Variants in OSBP2 observed in about 807,000 individuals in gnomAD.
OSBP2 encodes the protein oxysterol binding protein 2.
Under a neutral mutation model 96.0 loss-of-function variants are expected in OSBP2, and 66 were observed. The ratio of observed to expected loss-of-function variants is 0.69; its 90% confidence interval spans 0.56 to 0.84. The LOEUF (loss-of-function observed/expected upper bound fraction) is 0.84, where lower values mean the gene tolerates loss of function less well. OSBP2 is among the 40% of genes least tolerant of loss of function. The probability of loss-of-function intolerance (pLI) is 0.00; values close to 1 mark genes in which losing one functional copy is unlikely to be tolerated. For missense variants in OSBP2, 1,038 were observed against 1,222.7 expected, an observed-to-expected ratio of 0.85 and a Z score of 2.25; for synonymous variants, 525 against 520.9, an observed-to-expected ratio of 1.01 and a Z score of -0.11.
In OSBP2 at chr22:30,906,617, A is replaced by G. The variant is rs2040342478; in HGVS notation, c.*278A>G. On this transcript the variant is annotated 3_prime_UTR_variant, in exon 14 of 14. Transcript: ENST00000332585. ...CGGAACCCCTGCCCCAGTTACCACA[A>G]CTCAGGCCGGCTGGCCCGGGCCATG... The G allele has an allele frequency of 6.3e-6, 2 of 317,550 alleles. No individual in the cohort carries two copies. The highest frequency in any genetic ancestry group is 9.6e-5 in the Admixed American group (2 of 20,918). 19.7% of individuals were successfully genotyped at this position (317,550 alleles called of 1,614,324 possible). A position where few individuals can be genotyped will look rare whatever the true frequency, so the allele number is the denominator to read the frequency against.
chr22:30,875,695 A>G (rs766240938), intron 3 of OSBP2, among the ~76,000 whole-genome samples: 13 of 152,074 alleles, frequency 8.5e-5, no homozygotes, highest in Non-Finnish European at 1.6e-4. Flanking sequence ...TTCTAGCCGG[A>G]CTCAGAGGGT....
chr22:30,786,165 G>C (rs914937981), intron 2 of OSBP2, among the ~76,000 whole-genome samples: 9 of 152,002 alleles, frequency 5.9e-5, no homozygotes, highest in Non-Finnish European at 1.5e-5. Flanking sequence ...GGGATTACAG[G>C]CGTGTGCCAC....
intron 2 of OSBP2, among the ~76,000 whole-genome samples, chr22:30,853,872 G>A (rs1427279114): frequency 4.6e-5 from 7 of 151,482 alleles, no homozygotes; most frequent in Middle Eastern, 3.2e-3. Context: ...CGATTCTCCC[G>A]CCTCAGCTTC....
At chr22:30,858,794 G>A (rs2039141299) in intron 2 of OSBP2, among the ~76,000 whole-genome samples, 1 of 151,480 alleles carries the variant, frequency 6.6e-6, no homozygotes, top group African/African-American at 2.4e-5. Context: ...CAGGAGAACT[G>A]CTTGAACCCG....
intron 1 of OSBP2, among the ~76,000 whole-genome samples, chr22:30,736,870 C>T (rs1452180110): frequency 1.3e-5 from 2 of 152,156 alleles, no homozygotes; most frequent in African/African-American, 2.4e-5. Context: ...TGTCCTCTTT[C>T]CCCCATTTAT....
rs572409108 is a variant in OSBP2 at position 30,782,832 on chromosome 22, T to C, written c.853+41463T>C. ...CATATATGTTTAACTTTTTAAGAAA[T>C]TGCCACATCATCTTCGAAAGTGATT... On this transcript the variant is annotated intron_variant, in intron 2 of 13. Coordinates refer to ENST00000332585, the MANE Select transcript of OSBP2 (RefSeq NM_030758.4). Among the ~76,000 whole-genome samples, 43 of 152,264 alleles carry C rather than the reference T, an allele frequency of 2.8e-4. No homozygotes were observed. The South Asian group carries it at 6.0e-3, about 21-fold the overall frequency.
intron 2 of OSBP2, among the ~76,000 whole-genome samples, chr22:30,778,072 T>C (rs2090458917): frequency 6.6e-6 from 1 of 151,678 alleles, no homozygotes; most frequent in Non-Finnish European, 1.5e-5. Flanking sequence ...CTCGGTTCAC[T>C]GCAACTCTGC....
intron 1 of OSBP2, among the ~76,000 whole-genome samples, chr22:30,736,408 G>A (rs922417881): frequency 4.6e-5 from 7 of 152,038 alleles, no homozygotes; most frequent in African/African-American, 9.7e-5. Flanking sequence ...GGAGAGTCCC[G>A]TCTAGAACCA....
chr22:30,777,832 A>T (rs936138326), intron 2 of OSBP2, among the ~76,000 whole-genome samples: 1 of 152,098 alleles, frequency 6.6e-6, no homozygotes, highest in African/African-American at 2.4e-5. Flanking sequence ...ACACGTGCTC[A>T]TCAGTCTGGA....
intron 1 of OSBP2, among the ~76,000 whole-genome samples, chr22:30,718,611 G>A (rs1358845193): frequency 2.0e-5 from 3 of 152,204 alleles, no homozygotes; most frequent in African/African-American, 7.2e-5. Flanking sequence ...GGAAAGAATG[G>A]GGGATGCTTT....
intron 12 of OSBP2, among the ~76,000 whole-genome samples, chr22:30,899,822 G>A (rs764509633): frequency 1.4e-4 from 22 of 152,146 alleles, no homozygotes; most frequent in Non-Finnish European, 2.8e-4. Flanking sequence ...TATATAGAAT[G>A]ATTTTATATT....
chr22:30,866,193 A>G (rs1204286428), intron 2 of OSBP2, among the ~76,000 whole-genome samples: 1 of 152,224 alleles, frequency 6.6e-6, no homozygotes, highest in Non-Finnish European at 1.5e-5. Context: ...GATACAATGA[A>G]GAATTTTGAG....
intron 1 of OSBP2, among the ~76,000 whole-genome samples, chr22:30,730,809 A>ATATATAT (rs1569100787): frequency 1.4e-4 from 3 of 21,272 alleles, no homozygotes; most frequent in South Asian, 2.2e-3. Flanking sequence ...TATATATATA[A>ATATATAT]TTTTTTTTTT....
At position 30,870,309 on chromosome 22, in the gene OSBP2, C is replaced by T. The variant is rs1398206221; in HGVS notation, c.854-120C>T. ...GGCCAGGAACAGGAACGGGCACCAT[C>T]TCGGGGACTGATGTTTTTTGAATGG... On this transcript the variant is annotated intron_variant, in intron 2 of 13. Coordinates refer to ENST00000332585, the MANE Select transcript of OSBP2 (RefSeq NM_030758.4). This position sits in a 1 kb window ranked among gnomAD's most constrained non-coding sequence, Gnocchi z 4.1. 1.9e-6 allele frequency: 2 copies of T among 1,048,334 alleles called. No individual in the cohort carries two copies. Among genetic ancestry groups the T allele is most frequent in the African/African-American group, 3.1e-5 (2 of 63,572 alleles). The allele number at this position is 1,048,334 out of a possible 1,614,324, so 64.9% of individuals were successfully genotyped here. A position where few individuals can be genotyped will look rare whatever the true frequency, so the allele number is the denominator to read the frequency against.
chr22:30,736,060 C>T (rs1207722822), intron 1 of OSBP2, among the ~76,000 whole-genome samples: 1 of 151,892 alleles, frequency 6.6e-6, no homozygotes, highest in Non-Finnish European at 1.5e-5. Context: ...ATTACAGCTA[C>T]ACACCACCAT....
intron 2 of OSBP2, among the ~76,000 whole-genome samples, chr22:30,821,590 G>A (rs868189717): frequency 3.3e-5 from 5 of 152,100 alleles, no homozygotes; most frequent in African/African-American, 4.8e-5. Context: ...ATGGGGGTGC[G>A]GGGATAGGGA....
upstream of OSBP2, chr22:30,694,867 C>G (rs2088993920): frequency 3.1e-6 from 3 of 966,876 alleles, no homozygotes; most frequent in Non-Finnish European, 4.0e-6. Context: ...GCCTGCCCCC[C>G]GCCCCCACTG....
chr22:30,747,047 T>G (rs577036315), intron 2 of OSBP2, among the ~76,000 whole-genome samples: 136 of 152,178 alleles, frequency 8.9e-4, no homozygotes, highest in Middle Eastern at 6.8e-3. Context: ...GTACATCAAT[T>G]TGACTGAAGG....
intron 2 of OSBP2, among the ~76,000 whole-genome samples, chr22:30,767,032 T>G (rs2090280536): frequency 6.7e-6 from 1 of 148,334 alleles, no homozygotes; most frequent in African/African-American, 2.5e-5. Flanking sequence ...CAGTTGGGCT[T>G]AAGGATGCTA....
Sources: allele counts gnomAD v4.1 joint callset (sites outside exome capture counted in the v4.1 genomes callset), GRCh38; gene constraint gnomAD v4.1.1; non-coding constraint Gnocchi (gnomAD v3.1); transcripts MANE v1.5; gene names NCBI Gene and HGNC (gene_info 2026-07-23, HGNC 2026-07-21).